Variants in MRTFB observed in about 807,000 individuals in gnomAD.
The protein encoded by MRTFB is myocardin related transcription factor B.
A neutral mutation model predicts 104.2 loss-of-function variants in MRTFB; 29 were observed. That is an observed-to-expected ratio of 0.28 (90% CI 0.21 to 0.38). MRTFB has a LOEUF of 0.38. Among genes scored for constraint, MRTFB ranks in the 10% least tolerant of loss-of-function variants. The pLI, the probability that MRTFB is intolerant of heterozygous loss-of-function variation, is 1.00. For missense variants in MRTFB, 1,270 were observed against 1,341.6 expected (o/e 0.95, Z 0.83); for synonymous variants, 535 against 519.5 (o/e 1.03, Z -0.41).
chr16:14,047,651 G>T, the MRTFB span, among the ~76,000 whole-genome samples: 1 of 152,150 alleles, frequency 6.6e-6, no homozygotes, highest in Non-Finnish European at 1.5e-5. Flanking sequence ...GAGACTGAAA[G>T]CCAAGCAAAA....
chr16:14,054,344 G>C, the MRTFB span, among the ~76,000 whole-genome samples: 1 of 152,104 alleles, frequency 6.6e-6, no homozygotes, highest in African/African-American at 2.4e-5. Context: ...AGCCTCCCAA[G>C]TAGCTGGGAT....
intron 1 of MRTFB, among the ~76,000 whole-genome samples, chr16:14,078,591 C>CA (rs997102423): frequency 6.9e-6 from 1 of 145,590 alleles, no homozygotes; most frequent in East Asian, 1.9e-4. Flanking sequence ...CCACTCCTGG[C>CA]AAATTTTTTT....
chr16:14,101,288 T>C (rs192277536), intron 2 of MRTFB, among the ~76,000 whole-genome samples: 6 of 152,282 alleles, frequency 3.9e-5, no homozygotes, highest in Non-Finnish European at 4.4e-5. Flanking sequence ...CTTTTTCTTA[T>C]AGTGTAATAA....
chr16:14,247,341 T>C lies in MRTFB; in HGVS notation c.2081T>C (p.Val694Ala). The C allele has an allele frequency of 1.2e-6, 2 of 1,614,166 alleles. No individual in the cohort carries two copies. The highest frequency in any genetic ancestry group is 2.7e-5 in the African/African-American group (2 of 75,032). ...VPVGQAEQQS[V>A]VSQFYVSSQG... ...GTGGGCCAGGCAGAGCAGCAGAGTG[T>C]CGTCTCGCAGTTTTATGTGAGTTCC... is the stretch of plus-strand genomic sequence containing the variant. The change falls in exon 12 of 17, where the codon GTC (valine) becomes GCC (alanine). Residue 694 changes from valine (V) to alanine (A), a missense_variant. Val to Ala is a moderately conservative substitution (Grantham distance 64, BLOSUM62 0). Around this residue, in one of 3 missense-constraint regions of MRTFB, gnomAD observed 1,144 missense variants for 1,131.5 expected, o/e 1.01. Coordinates refer to ENST00000571589, the MANE Select transcript of MRTFB (RefSeq NM_001308142.2).
chr16:14,026,538 A>T, the MRTFB span, among the ~76,000 whole-genome samples: 1 of 152,220 alleles, frequency 6.6e-6, no homozygotes, highest in Non-Finnish European at 1.5e-5. Flanking sequence ...TAAAGAAAAA[A>T]TTCATAATTT....
intron 2 of MRTFB, among the ~76,000 whole-genome samples, chr16:14,119,186 C>T (rs11644242): frequency 0.02 from 3,047 of 152,226 alleles, 50 homozygotes; most frequent in Admixed American, 0.037. Context: ...AGTATAGTCA[C>T]GTGGTTGAAG....
At chr16:14,226,434 G>A (rs1183240442) in intron 8 of MRTFB, among the ~76,000 whole-genome samples, 1 of 152,160 alleles carries the variant, frequency 6.6e-6, no homozygotes, top group African/African-American at 2.4e-5. Flanking sequence ...AGTGGGGAAA[G>A]GATAGTCTCG....
chr16:14,058,356 A>C, the MRTFB span, among the ~76,000 whole-genome samples: 1 of 152,208 alleles, frequency 6.6e-6, no homozygotes, highest in Non-Finnish European at 1.5e-5. Context: ...GGCATGCTCC[A>C]TAGCTTTAAT....
the MRTFB span, among the ~76,000 whole-genome samples, chr16:14,037,225 A>G: frequency 6.6e-6 from 1 of 152,180 alleles, no homozygotes; most frequent in Non-Finnish European, 1.5e-5. Flanking sequence ...AATGACAGTC[A>G]CTTTGTATGA....
At chr16:14,105,552 C>T (rs771913347) in intron 2 of MRTFB, among the ~76,000 whole-genome samples, 2 of 151,866 alleles carry the variant, frequency 1.3e-5, no homozygotes, top group South Asian at 2.1e-4. Context: ...CACGTGCTAC[C>T]GTACCCAGCT....
chr16:14,086,115 G>A (rs1419725092), intron 2 of MRTFB, among the ~76,000 whole-genome samples: 1 of 152,186 alleles, frequency 6.6e-6, no homozygotes, highest in African/African-American at 2.4e-5. Context: ...TATATTTTAA[G>A]TGTGGCTCCG....
chr16:14,017,309 G>A, the MRTFB span, among the ~76,000 whole-genome samples: 1 of 151,484 alleles, frequency 6.6e-6, no homozygotes, highest in Non-Finnish European at 1.5e-5. Context: ...GCCCCCCTCG[G>A]CCTCCCAAAA....
At chr16:14,089,773 A>G (rs62034420) in intron 2 of MRTFB, among the ~76,000 whole-genome samples, 1,983 of 152,176 alleles carry the variant, frequency 0.013, 20 homozygotes, top group Non-Finnish European at 0.02. Context: ...GAGGGTTCCA[A>G]TTTCTCCAAG....
intron 8 of MRTFB, among the ~76,000 whole-genome samples, chr16:14,231,349 G>C (rs1416039284): frequency 6.6e-6 from 1 of 151,948 alleles, no homozygotes; most frequent in Admixed American, 6.6e-5. Context: ...ATTTACTGTG[G>C]AACAAAATAA....
intron 2 of MRTFB, among the ~76,000 whole-genome samples, chr16:14,089,723 T>C (rs1279113027): frequency 6.6e-6 from 1 of 152,178 alleles, no homozygotes; most frequent in Non-Finnish European, 1.5e-5. Flanking sequence ...CCAAAGTGCT[T>C]TTGTGTGAAG....
At chr16:14,258,264 A>C (rs2035596177) in intron 16 of MRTFB, 103 bp downstream of exon 16, 4 of 857,518 alleles carry the variant, frequency 4.7e-6, no homozygotes, top group East Asian at 2.6e-5. Context: ...GATACTGAGA[A>C]ACGTGTTCTT....
chr16:14,179,517 A>G (rs1000453033), intron 3 of MRTFB, among the ~76,000 whole-genome samples: 5 of 152,208 alleles, frequency 3.3e-5, no homozygotes, highest in Non-Finnish European at 7.3e-5. Flanking sequence ...TGAACACCCA[A>G]GAATACATCT....
chr16:14,247,950 C>G (rs2043096261), intron 12 of MRTFB: 1 of 159,004 alleles, frequency 6.3e-6, no homozygotes, highest in South Asian at 1.9e-4. Context: ...TCAGGGAGTT[C>G]CCCCAAGGAT....
chr16:14,088,115 A>G (rs1333277036), intron 2 of MRTFB, among the ~76,000 whole-genome samples: 1 of 152,182 alleles, frequency 6.6e-6, no homozygotes, highest in Non-Finnish European at 1.5e-5. Flanking sequence ...GATTGATTAG[A>G]TGTCCTTGGA....
Sources: allele counts gnomAD v4.1 joint callset (sites outside exome capture counted in the v4.1 genomes callset), GRCh38; gene constraint gnomAD v4.1.1; regional missense constraint gnomAD v4.1.1; transcripts MANE v1.5; gene names NCBI Gene and HGNC (gene_info 2026-07-23, HGNC 2026-07-21).